The following CD80 variants were observed in gnomAD, a reference collection of about 807,000 sequenced individuals.
CD80 encodes the protein CD80 molecule.
CD80 carries 13 observed loss-of-function variants against 27.1 expected under a neutral mutation model. That is an observed-to-expected ratio of 0.48 (90% CI 0.31 to 0.76). The LOEUF (loss-of-function observed/expected upper bound fraction) is 0.76, where lower values mean the gene tolerates loss of function less well. Ranked by LOEUF, CD80 falls within the 30% of genes least tolerant of loss-of-function variation. CD80 has a pLI of 0.04. For missense variants in CD80, 277 were observed against 347.9 expected (o/e 0.80, Z 1.62); for synonymous variants, 125 against 125.5 (o/e 1.00, Z 0.03).
chr3:119,553,906 C>G (rs1423888383), intron 2 of CD80, among the ~76,000 whole-genome samples: 1 of 152,228 alleles, frequency 6.6e-6, no homozygotes. Context: ...GAGTGACCCC[C>G]CTCTAAATGT....
In CD80 at chr3:119,557,693, G is replaced by A. The variant is rs140911966; in HGVS notation, c.36C>T (p.Ser12=). 9 of 1,613,536 alleles carry A rather than the reference G, an allele frequency of 5.6e-6. No individual in the cohort carries two copies. In the African/African-American group the frequency reaches 1.1e-4, roughly 19 times the overall value. The change falls in exon 2 of 7, where the codon TCC becomes TCT. Residue 12 remains serine (S), a synonymous_variant. Transcript: ENST00000264246. ...GAAAGAAATTGAGGTATGGACACTTGGATGGTGATGTTCCCTGCCTCCGTG... is the reference window on the plus strand; with the variant it reads ...GAAAGAAATTGAGGTATGGACACTTAGATGGTGATGTTCCCTGCCTCCGTG... ...GHTRRQGTSP[S]KCPYLNFFQL...
intron 2 of CD80, among the ~76,000 whole-genome samples, chr3:119,552,095 G>A (rs2082235892): frequency 6.6e-6 from 1 of 152,226 alleles, no homozygotes; most frequent in African/African-American, 2.4e-5. Flanking sequence ...TGACCCCTTG[G>A]CCACCCTCCT....
At chr3:119,529,494 T>G (rs187223245) in intron 5 of CD80, among the ~76,000 whole-genome samples, 2 of 152,330 alleles carry the variant, frequency 1.3e-5, no homozygotes, top group Admixed American at 1.3e-4. Flanking sequence ...AGAATATCAT[T>G]TAGCATCAGA....
chr3:119,532,173 C>G (rs772517092), intron 4 of CD80, among the ~76,000 whole-genome samples: 4 of 152,170 alleles, frequency 2.6e-5, no homozygotes, highest in Non-Finnish European at 5.9e-5. Context: ...TGGCCCCAGT[C>G]TTCCTGGGTA....
At chr3:119,545,763 A>G (rs1448503303) in intron 2 of CD80, among the ~76,000 whole-genome samples, 1 of 151,042 alleles carries the variant, frequency 6.6e-6, no homozygotes, top group African/African-American at 2.5e-5. Flanking sequence ...TTGTTTGCCC[A>G]TTCATCTGTA....
At chr3:119,542,776 C>G (rs538998122) in intron 3 of CD80, among the ~76,000 whole-genome samples, 1 of 152,244 alleles carries the variant, frequency 6.6e-6, no homozygotes, top group South Asian at 2.1e-4. Context: ...CCAAAGCAGA[C>G]CTCCTTCTTG....
In CD80 at chr3:119,557,695, ATGG is replaced by A. The variant is rs2107749536; in HGVS notation, c.31_33del (p.Pro11del). The A allele has an allele frequency of 6.2e-7, 1 of 1,613,724 alleles. No homozygotes were observed. The highest frequency in any genetic ancestry group is 2.2e-5 in the East Asian group (1 of 44,854). ...AAGAAATTGAGGTATGGACACTTGG[ATGG>A]TGATGTTCCCTGCCTCCGTGTGTGG... On this transcript the variant is annotated inframe_deletion, in exon 2 of 7. Transcript: ENST00000264246.
At chr3:119,547,391 T>C (rs765877476) in intron 2 of CD80, among the ~76,000 whole-genome samples, 3 of 152,258 alleles carry the variant, frequency 2.0e-5, no homozygotes, top group Non-Finnish European at 4.4e-5. Flanking sequence ...ATTTCGTCTT[T>C]GGACAATTTG....
At chr3:119,544,312 C>G (rs1041696488) in intron 3 of CD80, 1 of 543,272 alleles carries the variant, frequency 1.8e-6, no homozygotes, top group Non-Finnish European at 3.3e-6. Flanking sequence ...ATTATAGTGC[C>G]CCAGGATGAT....
At chr3:119,527,704 T>C (rs2082074832) in intron 6 of CD80, 29 bp downstream of exon 6, 1 of 1,321,224 alleles carries the variant, frequency 7.6e-7, no homozygotes, top group African/African-American at 1.4e-5. Context: ...CCACGATCCA[T>C]GTATCCCAGA....
intron 2 of CD80, among the ~76,000 whole-genome samples, chr3:119,554,026 G>A (rs1173812795): frequency 1.3e-5 from 2 of 152,228 alleles, no homozygotes. Context: ...CTTGAGACCT[G>A]TGTCTCCTCG....
chr3:119,533,404 T>C (rs1237214297), intron 4 of CD80, among the ~76,000 whole-genome samples: 4 of 59,724 alleles, frequency 6.7e-5, no homozygotes, highest in African/African-American at 2.5e-4. Flanking sequence ...AATTAATACA[T>C]TTGGGCTTTT....
intron 4 of CD80, among the ~76,000 whole-genome samples, chr3:119,530,517 A>G (rs531539609): frequency 6.6e-6 from 1 of 152,054 alleles, no homozygotes; most frequent in East Asian, 1.9e-4. Context: ...ATGGCTTGGT[A>G]TTAGGTGGGA....
Position 119,544,814 on chromosome 3 carries a change from G to T in CD80, c.154C>A (p.His52Asn), listed in dbSNP as rs1387758204. The T allele has an allele frequency of 6.2e-7, 1 of 1,614,156 alleles. No individual in the cohort carries two copies. The highest frequency in any genetic ancestry group is 1.7e-5 in the Admixed American group (1 of 60,014). Residue 52 changes from histidine (H) to asparagine (N), a missense_variant, in exon 3 of 7, where the codon CAC becomes AAC. Coordinates refer to ENST00000264246, the MANE Select transcript of CD80 (RefSeq NM_005191.4). ...GCCAGCTCTTCAACAGAAACATTGT[G>T]ACCACAGGACAGCGTTGCCACTTCT... Reference protein sequence around the residue: ...VKEVATLSCGHNVSVEELAQT... With the variant: ...VKEVATLSCGNNVSVEELAQT...
At chr3:119,549,211 C>T (rs1274291147) in intron 2 of CD80, among the ~76,000 whole-genome samples, 2 of 134,442 alleles carry the variant, frequency 1.5e-5, no homozygotes, top group Non-Finnish European at 3.5e-5. Context: ...TGGCTATCTG[C>T]AGTCCATGCC....
Position 119,537,389 on chromosome 3 carries a change from A to C in CD80, c.448T>G (p.Phe150Val), listed in dbSNP as rs2082145302. The C allele has an allele frequency of 1.9e-6, 3 of 1,611,086 alleles. No individual in the cohort carries two copies. Among genetic ancestry groups the C allele is most frequent in the Admixed American group, 3.3e-5 (2 of 60,000 alleles). ...ADFPTPSISD[F>V]EIPTSNIRRI... ...CTAATATTAGAAGTTGGAATTTCAA[A>C]GTCAGATATACTAGGTGTAGGGAAG... Residue 150 changes from phenylalanine to valine, a missense_variant, in exon 4 of 7, where the codon TTT (phenylalanine) becomes GTT (valine). Coordinates refer to ENST00000264246, the MANE Select transcript of CD80 (RefSeq NM_005191.4).
chr3:119,529,040 C>T (rs1474245301), intron 5 of CD80, among the ~76,000 whole-genome samples: 1 of 151,896 alleles, frequency 6.6e-6, no homozygotes, highest in East Asian at 2.0e-4. Context: ...CTCCTGGGTT[C>T]CTGGGTTCAA....
chr3:119,552,711 T>C (rs1447246799), intron 2 of CD80, among the ~76,000 whole-genome samples: 1 of 151,876 alleles, frequency 6.6e-6, no homozygotes, highest in African/African-American at 2.4e-5. Flanking sequence ...AACAGAATAT[T>C]ATTTCAGAAT....
At chr3:119,530,958 T>C (rs1397788312) in intron 4 of CD80, among the ~76,000 whole-genome samples, 2 of 152,258 alleles carry the variant, frequency 1.3e-5, no homozygotes, top group African/African-American at 4.8e-5. Context: ...CAGGGTAATA[T>C]ACAGTACTCA....
Sources: allele counts gnomAD v4.1 joint callset (sites outside exome capture counted in the v4.1 genomes callset), GRCh38; gene constraint gnomAD v4.1.1; transcripts MANE v1.5; gene names NCBI Gene and HGNC (gene_info 2026-07-23, HGNC 2026-07-21).